The following TMPRSS12 variants were observed in gnomAD, a reference collection of about 807,000 sequenced individuals.
TMPRSS12 encodes the protein transmembrane protease serine 12.
In TMPRSS12, 25 loss-of-function variants were observed where a neutral mutation model predicts 26.0. That is an observed-to-expected ratio of 0.96 (90% CI 0.70 to 1.34). The LOEUF (loss-of-function observed/expected upper bound fraction) is 1.34, where lower values mean the gene tolerates loss of function less well. TMPRSS12 is among the 40% of genes most tolerant of loss of function. The pLI is 0.00. For missense variants in TMPRSS12, 441 were observed against 440.1 expected (o/e 1.00, Z -0.02); for synonymous variants, 150 against 161.7 (o/e 0.93, Z 0.55).
chr12:50,843,879 G>A lies in TMPRSS12; in HGVS notation c.225G>A (p.Gly75=). ...GTAPLKDVLQ[G]SRIIGGTEAQ... ...CACCGCTTAAGGATGTGTTGCAAGG[G>A]TCTCGGATTATAGGGGGCACCGAAG... is the stretch of plus-strand genomic sequence containing the variant. The change falls in exon 2 of 5, where the codon GGG becomes GGA. Residue 75 remains glycine, a synonymous_variant. Transcript: ENST00000398458. 6.4e-7 allele frequency: 1 copy of A among 1,563,868 alleles called. No individual in the cohort carries two copies. Among genetic ancestry groups the A allele is most frequent in the South Asian group, 1.2e-5 (1 of 84,922 alleles).
At chr12:50,884,346 C>T (rs758282854) in intron 3 of TMPRSS12, among the ~76,000 whole-genome samples, 3 of 152,222 alleles carry the variant, frequency 2.0e-5, no homozygotes, top group Non-Finnish European at 4.4e-5. Flanking sequence ...GATGATGTAA[C>T]TAAAATAGGC....
chr12:50,883,983 G>C (rs6580773), intron 3 of TMPRSS12, among the ~76,000 whole-genome samples: 84,660 of 151,982 alleles, frequency 0.56, 23,728 homozygotes, highest in East Asian at 0.65. Flanking sequence ...ACCCAGGCAA[G>C]AGGGCAAGAC....
chr12:50,872,743 T>TGACGTACATATATAG lies in TMPRSS12; in HGVS notation c.653-12503_653-12502insGACGTACATATATAG, dbSNP rs767637269. Reference sequence around the variant, plus strand: ...TATGACGTATATATGTACATATATATACGTCTATATATGTACATATATATG... The same window carrying TGACGTACATATATAG: ...TATGACGTATATATGTACATATATATGACGTACATATATAGACGTCTATATATGTACATATATATG... On this transcript the variant is annotated intron_variant, in intron 3 of 4. Transcript: ENST00000398458. Among the ~76,000 whole-genome samples, 7 of 23,198 alleles carry TGACGTACATATATAG rather than the reference T, an allele frequency of 3.0e-4. 1 individual carries two copies. Among genetic ancestry groups the TGACGTACATATATAG allele is most frequent in the Admixed American group, 2.8e-3 (7 of 2,468 alleles). The allele number at this position is 23,198 out of a possible 152,430, so 15.2% of individuals were successfully genotyped here.
chr12:50,849,143 G>T (rs1474661299), intron 2 of TMPRSS12, among the ~76,000 whole-genome samples: 1 of 152,200 alleles, frequency 6.6e-6, no homozygotes, highest in Admixed American at 6.5e-5. Context: ...TTACAGGCAT[G>T]AGACACTGCA....
chr12:50,874,104 A>G, intron 3 of TMPRSS12, among the ~76,000 whole-genome samples: 1 of 72,334 alleles, frequency 1.4e-5, no homozygotes, highest in Admixed American at 1.4e-4. Context: ...TTCCCATTTA[A>G]AAAAAACCCA....
In TMPRSS12 at chr12:50,845,106, T is replaced by TA. The variant is rs1259965548; in HGVS notation, c.383+1070dup. On this transcript the variant is annotated intron_variant, in intron 2 of 4. Coordinates refer to ENST00000398458, the MANE Select transcript of TMPRSS12 (RefSeq NM_182559.3). ...ACATGCCAGATTTGGCCTTCACTAT[T>TA]AGACTCTTTGAAAAAGAGACTCTCT... is the stretch of plus-strand genomic sequence containing the variant. Among the ~76,000 whole-genome samples the TA allele has an allele frequency of 2.0e-5, 3 of 152,184 alleles. No homozygotes were observed. The East Asian group carries it at 5.8e-4, about 29-fold the overall frequency.
intron 3 of TMPRSS12, among the ~76,000 whole-genome samples, chr12:50,877,388 A>T (rs967861514): frequency 6.6e-6 from 1 of 152,238 alleles, no homozygotes; most frequent in African/African-American, 2.4e-5. Context: ...AGAAAAAGAC[A>T]TTAAAGGCAC....
At chr12:50,860,180 G>A (rs1180686244) in intron 3 of TMPRSS12, among the ~76,000 whole-genome samples, 1 of 152,184 alleles carries the variant, frequency 6.6e-6, no homozygotes, top group East Asian at 1.9e-4. Flanking sequence ...TAAGTAATAA[G>A]CTTCTGGCTA....
At chr12:50,860,855 C>T (rs768138413) in intron 3 of TMPRSS12, among the ~76,000 whole-genome samples, 1 of 152,152 alleles carries the variant, frequency 6.6e-6, no homozygotes, top group East Asian at 1.9e-4. Context: ...AAGAAATCCT[C>T]CTGCTTCAGC....
At chr12:50,844,716 G>T (rs981806247) in intron 2 of TMPRSS12, among the ~76,000 whole-genome samples, 1 of 152,066 alleles carries the variant, frequency 6.6e-6, no homozygotes, top group Admixed American at 6.5e-5. Flanking sequence ...TCCTATAAAG[G>T]TAGTAAATAT....
At chr12:50,886,934 T>G in intron 4 of TMPRSS12, 1 of 228,924 alleles carries the variant, frequency 4.4e-6, no homozygotes, top group Non-Finnish European at 8.4e-6. Context: ...TTTGACAATA[T>G]TTTGCACACT....
At chr12:50,853,693 A>T (rs201095500) in intron 2 of TMPRSS12, among the ~76,000 whole-genome samples, 1 of 151,852 alleles carries the variant, frequency 6.6e-6, no homozygotes, top group Non-Finnish European at 1.5e-5. Context: ...ACCTTCAGAG[A>T]CTATTATGAA....
intron 2 of TMPRSS12, among the ~76,000 whole-genome samples, chr12:50,849,509 A>AATCTTCTC (rs1555205491): frequency 2.0e-5 from 3 of 151,120 alleles, no homozygotes; most frequent in African/African-American, 4.9e-5. Context: ...CATAACCTTA[A>AATCTTCTC]ATCCTCTCAT....
In TMPRSS12 at chr12:50,858,932, A is replaced by T; in HGVS notation, c.531A>T (p.Leu177Phe). ...SYVNDIALFH[L>F]KKAVRYNDYI... is the part of the protein sequence containing the mutation. Reference sequence around the variant, plus strand: ...TAAATGATATTGCACTTTTTCACTTAAAAAAAGCAGTGAGGTATAATGACT... The same window carrying T: ...TAAATGATATTGCACTTTTTCACTTTAAAAAAGCAGTGAGGTATAATGACT... Residue 177 changes from leucine to phenylalanine, a missense_variant, in exon 3 of 5, where the codon TTA becomes TTT. Leu to Phe is a conservative substitution (Grantham distance 22). Coordinates refer to ENST00000398458, the MANE Select transcript of TMPRSS12 (RefSeq NM_182559.3). The T allele has an allele frequency of 6.3e-7, 1 of 1,587,158 alleles. No homozygotes were observed. Among genetic ancestry groups the T allele is most frequent in the South Asian group, 1.1e-5 (1 of 87,470 alleles).
Position 50,843,980 on chromosome 12 carries a change from G to A in TMPRSS12, c.326G>A (p.Gly109Glu), listed in dbSNP as rs371289235. ...CGTGTTCTTGTTCATGTATGTGGGG[G>A]AACCCTAGTGAGAGAGAGGTGGGTC... is the stretch of plus-strand genomic sequence containing the variant. Reference protein sequence around the residue: ...YGRVLVHVCGGTLVRERWVLT... With the variant: ...YGRVLVHVCGETLVRERWVLT... The change falls in exon 2 of 5, where the codon GGA (glycine) becomes GAA (glutamate). Residue 109 changes from glycine to glutamate, a missense_variant. Physicochemically the swap from Gly to Glu is moderately conservative, Grantham distance 98. Coordinates refer to ENST00000398458, the MANE Select transcript of TMPRSS12 (RefSeq NM_182559.3). The A allele has an allele frequency of 1.5e-5, 24 of 1,606,724 alleles. No homozygotes were observed. The highest frequency in any genetic ancestry group is 1.7e-6 in the Non-Finnish European group (2 of 1,176,674).
intron 3 of TMPRSS12, among the ~76,000 whole-genome samples, chr12:50,880,323 A>T (rs1938151453): frequency 6.6e-6 from 1 of 152,186 alleles, no homozygotes; most frequent in Admixed American, 6.6e-5. Flanking sequence ...CTAGGAGCTC[A>T]AGGCTGCAGT....
intron 2 of TMPRSS12, among the ~76,000 whole-genome samples, chr12:50,857,080 AT>A (rs1175239510): frequency 1.3e-5 from 2 of 152,046 alleles, no homozygotes; most frequent in East Asian, 1.9e-4. Flanking sequence ...ATAGCTGTTA[AT>A]TTTTTTTACA....
intron 3 of TMPRSS12, among the ~76,000 whole-genome samples, chr12:50,870,237 A>C (rs59824720): frequency 1.2e-4 from 19 of 152,102 alleles, no homozygotes; most frequent in African/African-American, 4.1e-4. Context: ...CAAAACAAAA[A>C]CCATGATAAT....
intron 3 of TMPRSS12, among the ~76,000 whole-genome samples, chr12:50,873,742 T>A (rs970443565): frequency 6.6e-6 from 1 of 152,298 alleles, no homozygotes; most frequent in South Asian, 2.1e-4. Context: ...CTGCTCAACA[T>A]CCTTCAATGC....
Sources: allele counts gnomAD v4.1 joint callset (sites outside exome capture counted in the v4.1 genomes callset), GRCh38; gene constraint gnomAD v4.1.1; transcripts MANE v1.5; gene names NCBI Gene and HGNC (gene_info 2026-07-23, HGNC 2026-07-21).